Variants in CRISP1 observed in about 807,000 individuals in gnomAD.
CRISP1 encodes the protein cysteine-rich secretory protein 1.
Under a neutral mutation model 33.1 loss-of-function variants are expected in CRISP1, and 44 were observed. The observed-to-expected ratio is 1.33, with a 90% CI of 1.05 to 1.71. CRISP1 has a LOEUF of 1.71. Ranked by LOEUF, CRISP1 falls within the 40% of genes most tolerant of loss-of-function variation. The pLI is 0.00. For missense variants in CRISP1, 390 were observed against 301.2 expected (o/e 1.29, Z -2.18); for synonymous variants, 103 against 98.7 (o/e 1.04, Z -0.26).
At chr6:49,871,129 C>A (rs139760590), upstream of CRISP1, among the ~76,000 whole-genome samples, 20 of 146,766 alleles carry the variant, frequency 1.4e-4, no homozygotes, top group South Asian at 2.1e-4. Context: ...ACAAAACAAA[C>A]AAAAAAAAAA....
At position 49,840,917 on chromosome 6, in the gene CRISP1, C is replaced by A. The variant is rs372119257; in HGVS notation, c.514G>T (p.Val172Phe). ...RQQGSPRYLY[V>F]CHYCHEGNDP... ...ACATACTCATGACAATAGTGACAAA[C>A]GTAGAGATATCGAGGTGATCCTTGT... Residue 172 changes from valine to phenylalanine, a missense_variant, in exon 6 of 8, where the codon GTT (valine) becomes TTT (phenylalanine). Val to Phe is a conservative substitution (Grantham distance 50). Transcript: ENST00000335847. 5 of 1,613,260 alleles carry A rather than the reference C, an allele frequency of 3.1e-6. No homozygotes were observed. The highest frequency in any genetic ancestry group is 8.5e-7 in the Non-Finnish European group (1 of 1,179,524).
intron 5 of CRISP1, among the ~76,000 whole-genome samples, chr6:49,843,889 A>G (rs1057509478): frequency 6.6e-6 from 1 of 152,198 alleles, no homozygotes; most frequent in Non-Finnish European, 1.5e-5. Flanking sequence ...TCTTTGTTAC[A>G]AAGTAGCAAA....
chr6:49,876,111 C>T lies in CRISP1; in HGVS notation c.-3+898G>A, dbSNP rs572159498. On this transcript the variant is annotated intron_variant, in intron 1 of 7. Coordinates refer to the CRISP1 transcript ENST00000505118. Reference sequence around the variant, plus strand: ...AACTATCATCAGAGTGAATAGTCTACAGAATGGGAGAAAATTTTTTCGGTC... The same window carrying T: ...AACTATCATCAGAGTGAATAGTCTATAGAATGGGAGAAAATTTTTTCGGTC... Among the ~76,000 whole-genome samples the T allele has an allele frequency of 3.7e-4, 57 of 152,152 alleles. 2 individuals carry two copies. The South Asian group carries it at 0.012, about 31-fold the overall frequency.
upstream of CRISP1, among the ~76,000 whole-genome samples, chr6:49,870,001 A>G (rs1771886012): frequency 6.6e-6 from 1 of 152,186 alleles, no homozygotes; most frequent in South Asian, 2.1e-4. Context: ...CAGACTTTAA[A>G]TCTAACAGCT....
chr6:49,874,262 C>G (rs1227215175), intron 1 of CRISP1, among the ~76,000 whole-genome samples: 1 of 151,984 alleles, frequency 6.6e-6, no homozygotes, highest in Non-Finnish European at 1.5e-5. Context: ...AGAACTAAAA[C>G]AGTTATATAG....
At chr6:49,856,571 A>C (rs988948456) in intron 2 of CRISP1, among the ~76,000 whole-genome samples, 1 of 152,144 alleles carries the variant, frequency 6.6e-6, no homozygotes, top group African/African-American at 2.4e-5. Context: ...CCTAATGCAT[A>C]TGGATTTTCT....
Position 49,846,675 on chromosome 6 carries a change from T to C in CRISP1, c.287-7A>G. The C allele has an allele frequency of 6.2e-7, 1 of 1,612,662 alleles. No individual in the cohort carries two copies. Among genetic ancestry groups the C allele is most frequent in the Non-Finnish European group, 8.5e-7 (1 of 1,179,254 alleles). ...TTTTCTCCACAAAAGGTATCTGAAATGAGAAAACGGGCTGGGTCATACTCT... is the reference window on the plus strand; with the variant it reads ...TTTTCTCCACAAAAGGTATCTGAAACGAGAAAACGGGCTGGGTCATACTCT... On this transcript the variant is annotated splice_polypyrimidine_tract_variant and splice_region_variant and intron_variant, in intron 4 of 7. Transcript: ENST00000335847.
chr6:49,858,698 C>G (rs1441194188), intron 1 of CRISP1, among the ~76,000 whole-genome samples: 1 of 152,044 alleles, frequency 6.6e-6, no homozygotes, highest in Non-Finnish European at 1.5e-5. Flanking sequence ...TATGGTGACA[C>G]AGATGATGAA....
At chr6:49,861,979 C>T (rs1290278462) in intron 1 of CRISP1, among the ~76,000 whole-genome samples, 1 of 152,084 alleles carries the variant, frequency 6.6e-6, no homozygotes, top group African/African-American at 2.4e-5. Flanking sequence ...TGTCTTTTCT[C>T]TAAGGCCTAT....
chr6:49,844,989 G>A (rs1340624030), intron 5 of CRISP1, among the ~76,000 whole-genome samples: 1 of 152,016 alleles, frequency 6.6e-6, no homozygotes, highest in Admixed American at 6.6e-5. Flanking sequence ...AAGAATTTGA[G>A]GGCTCTTGGG....
rs188163867 is a variant in CRISP1, at chr6:49,837,040, G to C, written c.622+1397C>G. Reference sequence around the variant, plus strand: ...TTGAATCTGTAAAGTGTTGTAATCCGTTGTTTTCTTTTATCTGTTGTTCTT... The same window carrying C: ...TTGAATCTGTAAAGTGTTGTAATCCCTTGTTTTCTTTTATCTGTTGTTCTT... On this transcript the variant is annotated intron_variant, in intron 7 of 7. Transcript: ENST00000335847. 2.0e-5 allele frequency among the ~76,000 whole-genome samples: 3 copies of C among 151,736 alleles called. No individual in the cohort carries two copies. The South Asian group carries it at 6.2e-4, about 32-fold the overall frequency.
intron 1 of CRISP1, among the ~76,000 whole-genome samples, chr6:49,864,287 T>C (rs1372049405): frequency 6.6e-6 from 1 of 152,094 alleles, no homozygotes; most frequent in African/African-American, 2.4e-5. Flanking sequence ...CATTCTATTA[T>C]TTATAAGAAT....
Position 49,835,445 on chromosome 6 carries a change from T to C in CRISP1, c.623-2A>G. 9 of 1,612,704 alleles carry C rather than the reference T, an allele frequency of 5.6e-6. No individual in the cohort carries two copies. The highest frequency in any genetic ancestry group is 7.6e-6 in the Non-Finnish European group (9 of 1,179,330). On this transcript the variant is annotated splice_acceptor_variant, in intron 7 of 7. Transcript: ENST00000335847. LOFTEE classifies it high-confidence loss of function. Reference sequence around the variant, plus strand: ...CATCATAGTAGATGCAGGGGTTAGCTGAAAGAAAATAGTATGGTTTTACAA... The same window carrying C: ...CATCATAGTAGATGCAGGGGTTAGCCGAAAGAAAATAGTATGGTTTTACAA...
At chr6:49,850,979 T>C (rs1771329349) in intron 3 of CRISP1, among the ~76,000 whole-genome samples, 1 of 152,118 alleles carries the variant, frequency 6.6e-6, no homozygotes, top group Non-Finnish European at 1.5e-5. Context: ...TGTCATAATA[T>C]GTAAAATGAA....
chr6:49,836,064 A>T (rs1228812456), intron 7 of CRISP1, among the ~76,000 whole-genome samples: 3 of 152,190 alleles, frequency 2.0e-5, no homozygotes, highest in African/African-American at 4.8e-5. Flanking sequence ...AATTTGTGGC[A>T]ATAGCACCAA....
chr6:49,868,650 T>G (rs1456618447), upstream of CRISP1, among the ~76,000 whole-genome samples: 1 of 152,162 alleles, frequency 6.6e-6, no homozygotes, highest in Admixed American at 6.6e-5. Context: ...GGCTTTATTC[T>G]AATTATCCAC....
chr6:49,840,973 A>G lies in CRISP1; in HGVS notation c.458T>C (p.Leu153Pro). The G allele has an allele frequency of 6.2e-7, 1 of 1,613,898 alleles. No homozygotes were observed. The highest frequency in any genetic ancestry group is 8.5e-7 in the Non-Finnish European group (1 of 1,179,822). Reference protein sequence around the residue: ...YTQIVWATSYLIGCAIASCRQ... With the variant: ...YTQIVWATSYPIGCAIASCRQ... Reference sequence around the variant, plus strand: ...GCAAGATGCAATGGCACAGCCAATCAGGTAAGATGTGGCCCAAACAATCTG... The same window carrying G: ...GCAAGATGCAATGGCACAGCCAATCGGGTAAGATGTGGCCCAAACAATCTG... Residue 153 changes from leucine to proline, a missense_variant, in exon 6 of 8, where the codon CTG becomes CCG. By Grantham distance (98) the Leu-to-Pro change is moderately conservative. Coordinates refer to ENST00000335847, the MANE Select transcript of CRISP1 (RefSeq NM_001131.3).
intron 5 of CRISP1, among the ~76,000 whole-genome samples, chr6:49,841,479 A>G (rs1341229664): frequency 6.6e-6 from 1 of 152,118 alleles, no homozygotes; most frequent in African/African-American, 2.4e-5. Context: ...ATGACTGTGC[A>G]TGGGATTCAT....
chr6:49,856,631 T>G (rs1251942428), intron 2 of CRISP1, among the ~76,000 whole-genome samples: 1 of 152,164 alleles, frequency 6.6e-6, no homozygotes, highest in Non-Finnish European at 1.5e-5. Context: ...CTACCTGGCC[T>G]ACGAAAATAT....
Sources: gnomAD v4.1 joint callset for allele counts (sites outside exome capture counted in the v4.1 genomes callset) on GRCh38, gnomAD v4.1.1 for gene constraint, MANE v1.5 for transcripts, NCBI Gene and HGNC (gene_info 2026-07-23, HGNC 2026-07-21) for gene names.